FYN: variants seen among roughly 807,000 people sequenced by gnomAD.
FYN encodes the protein tyrosine-protein kinase Fyn.
In FYN, 10 loss-of-function variants were observed where a neutral mutation model predicts 70.2. The ratio of observed to expected loss-of-function variants is 0.14; its 90% CI spans 0.09 to 0.24. The LOEUF is 0.24. FYN is among the 10% of genes least tolerant of loss of function. The pLI is 1.00. For missense variants in FYN, 319 were observed against 673.1 expected, an observed-to-expected ratio of 0.47 and a Z score of 5.82; for synonymous variants, 236 against 248.6, an observed-to-expected ratio of 0.95 and a Z score of 0.48.
At position 111,702,096 on chromosome 6, in the gene FYN, G is replaced by T. The variant is rs572422303; in HGVS notation, c.697+789C>A. On this transcript the variant is annotated intron_variant, in intron 8 of 13. Transcript: ENST00000354650. The stretch of plus-strand genomic sequence containing the variant: ...AAAAAAATATCTCTAGGCTTAATAG[G>T]ATATAGACATGTGTCTATACATGTG... Among the ~76,000 whole-genome samples, 7 of 152,190 alleles carry T rather than the reference G, an allele frequency of 4.6e-5. No homozygotes were observed. In the South Asian group the frequency reaches 1.5e-3, roughly 32 times the overall value.
rs546554570 is a variant in FYN, at chr6:111,832,424, C to G, written c.-82+14165G>C. 1.3e-4 allele frequency among the ~76,000 whole-genome samples: 20 copies of G among 152,204 alleles called. 2 individuals carry two copies. The highest frequency in any genetic ancestry group is 3.4e-3 in the Middle Eastern group (1 of 294). On this transcript the variant is annotated intron_variant, in intron 2 of 13. Transcript: ENST00000354650. ...TATTAAATTTACTTTTTAGTACCTT[C>G]TAGTATTTGCTTTATACGTTCCTTA...
At chr6:111,715,350 G>A (rs939091677) in intron 4 of FYN, among the ~76,000 whole-genome samples, 3 of 151,950 alleles carry the variant, frequency 2.0e-5, no homozygotes, top group African/African-American at 7.3e-5. Context: ...CAAAGTGCTG[G>A]GATTATAGGT....
At chr6:111,679,416 C>T (rs1250131761) in intron 12 of FYN, among the ~76,000 whole-genome samples, 1 of 152,164 alleles carries the variant, frequency 6.6e-6, no homozygotes, top group Non-Finnish European at 1.5e-5. Context: ...GCTGTCTCTG[C>T]CCCAGATAAA....
rs369898600 is a variant in FYN, at chr6:111,704,194, C to G, written c.444-92G>C. 6 of 964,524 alleles carry G rather than the reference C, an allele frequency of 6.2e-6. No individual in the cohort carries two copies. In the Admixed American group the frequency reaches 1.1e-4, roughly 17 times the overall value. The allele number at this position is 964,524 out of a possible 1,614,324, so 59.7% of individuals were successfully genotyped here. A position where few individuals can be genotyped will look rare whatever the true frequency, so the allele number is the denominator to read the frequency against. ...TTTTTTTTTGCCCATGAATTCCCCTCTCCTCCAATTTAGTCCTTAACCTTT... is the reference window on the plus strand; with the variant it reads ...TTTTTTTTTGCCCATGAATTCCCCTGTCCTCCAATTTAGTCCTTAACCTTT... On this transcript the variant is annotated intron_variant, in intron 6 of 13. Transcript: ENST00000354650.
chr6:111,813,712 C>T (rs564743275), intron 2 of FYN, among the ~76,000 whole-genome samples: 1 of 152,174 alleles, frequency 6.6e-6, no homozygotes, highest in African/African-American at 2.4e-5. Flanking sequence ...CCCTATTTCA[C>T]AGGATCTCCA....
At chr6:111,845,566 C>T (rs1210022602) in intron 2 of FYN, among the ~76,000 whole-genome samples, 1 of 152,190 alleles carries the variant, frequency 6.6e-6, no homozygotes, top group African/African-American at 2.4e-5. Context: ...ACTTCCCTAA[C>T]TTAGAGACAA....
At chr6:111,685,745 G>A (rs746952516) in intron 12 of FYN, among the ~76,000 whole-genome samples, 3 of 152,184 alleles carry the variant, frequency 2.0e-5, no homozygotes, top group Non-Finnish European at 2.9e-5. Context: ...ACCAAGAAAC[G>A]TGGGCTGCAC....
chr6:111,847,901 T>C (rs560381628), intron 1 of FYN, among the ~76,000 whole-genome samples: 2 of 152,322 alleles, frequency 1.3e-5, no homozygotes, highest in African/African-American at 2.4e-5. Flanking sequence ...AAGCATGCCA[T>C]TGCAGCTCAT....
intron 13 of FYN, among the ~76,000 whole-genome samples, chr6:111,666,683 A>G (rs545085085): frequency 6.6e-6 from 1 of 152,278 alleles, no homozygotes; most frequent in South Asian, 2.1e-4. Context: ...AAGTACAAAA[A>G]TTACCTGGGC....
intron 12 of FYN, chr6:111,676,638 A>C (rs1173427412): frequency 6.6e-6 from 1 of 152,232 alleles, no homozygotes; most frequent in Non-Finnish European, 1.5e-5. Context: ...CTCTTACTTC[A>C]GAGAATTAAA....
At chr6:111,855,997 T>C (rs1443414054) in intron 1 of FYN, among the ~76,000 whole-genome samples, 2 of 152,246 alleles carry the variant, frequency 1.3e-5, no homozygotes, top group Non-Finnish European at 1.5e-5. Context: ...TTTAACTGGA[T>C]ACATTTATAT....
intron 1 of FYN, among the ~76,000 whole-genome samples, chr6:111,860,946 G>A (rs1273785584): frequency 2.6e-5 from 4 of 152,168 alleles, no homozygotes; most frequent in Admixed American, 2.0e-4. Context: ...TGGCCCTAAC[G>A]GAGAGGCAAG....
At chr6:111,767,349 G>A (rs1176045769) in intron 3 of FYN, among the ~76,000 whole-genome samples, 1 of 152,132 alleles carries the variant, frequency 6.6e-6, no homozygotes, top group African/African-American at 2.4e-5. Context: ...TCCTTCAAGG[G>A]CAAAGATTTT....
At chr6:111,706,345 A>G (rs917920011) in intron 6 of FYN, among the ~76,000 whole-genome samples, 1 of 152,242 alleles carries the variant, frequency 6.6e-6, no homozygotes, top group African/African-American at 2.4e-5. Flanking sequence ...TGAAATTTCA[A>G]TTCATTATGC....
chr6:111,829,446 T>C (rs957421546), intron 2 of FYN, among the ~76,000 whole-genome samples: 1 of 152,234 alleles, frequency 6.6e-6, no homozygotes, highest in African/African-American at 2.4e-5. Flanking sequence ...TTAGTAAGTA[T>C]GTACTAATGC....
chr6:111,782,007 AGATAAGGGTTAGAGACAAT>A (rs1771192866), intron 2 of FYN, among the ~76,000 whole-genome samples: 1 of 152,234 alleles, frequency 6.6e-6, no homozygotes, highest in Admixed American at 6.5e-5. Context: ...GTACGATTTC[AGATAAGGGTTAGAGACAAT>A]GATGAGATCA....
Position 111,740,510 on chromosome 6 carries a change from C to T in FYN, c.-11-20448G>A, listed in dbSNP as rs371379115. On this transcript the variant is annotated intron_variant, in intron 3 of 13. Coordinates refer to ENST00000354650, the MANE Select transcript of FYN (RefSeq NM_002037.5). ...GAAACATAACTACTTTCCTTGCTTC[C>T]AATCTTGCGCTCTATACCCTCTATG... 5.3e-5 allele frequency among the ~76,000 whole-genome samples: 8 copies of T among 152,324 alleles called. No homozygotes were observed. The East Asian group carries it at 1.4e-3, about 26-fold the overall frequency.
At chr6:111,742,734 A>G (rs1420658543) in intron 3 of FYN, among the ~76,000 whole-genome samples, 2 of 152,216 alleles carry the variant, frequency 1.3e-5, no homozygotes, top group Non-Finnish European at 2.9e-5. Context: ...AGATGGGAAT[A>G]TATCATTTAC....
chr6:111,790,287 CACACACACACAT>C (rs1272168451), intron 2 of FYN, among the ~76,000 whole-genome samples: 9 of 147,370 alleles, frequency 6.1e-5, no homozygotes, highest in African/African-American at 2.3e-4. Flanking sequence ...CACACACACA[CACACACACACAT>C]TCTGAAGGGC....
Sources: allele counts gnomAD v4.1 joint callset (sites outside exome capture counted in the v4.1 genomes callset), GRCh38; gene constraint gnomAD v4.1.1; transcripts MANE v1.5; gene names NCBI Gene and HGNC (gene_info 2026-07-23, HGNC 2026-07-21).